Variants in KCNQ1 observed in about 807,000 individuals in gnomAD.
KCNQ1 encodes potassium voltage-gated channel subfamily KQT member 1.
In KCNQ1, 49 loss-of-function variants were observed where a neutral mutation model predicts 72.4. The observed-to-expected ratio is 0.68, with a 90% confidence interval of 0.54 to 0.86. The LOEUF (loss-of-function observed/expected upper bound fraction) is 0.86, where lower values mean the gene tolerates loss of function less well. Among genes scored for constraint, KCNQ1 ranks in the 40% least tolerant of loss-of-function variants. The pLI, the probability that KCNQ1 is intolerant of heterozygous loss-of-function variation, is 0.00. For synonymous variants in KCNQ1, 450 were observed against 412.6 expected (o/e 1.09, Z -1.10); for missense variants, 790 against 945.1 (o/e 0.84, Z 2.15).
intron 15 of KCNQ1, among the ~76,000 whole-genome samples, chr11:2,791,928 ACTTTG>A (rs1463087951): frequency 6.6e-6 from 1 of 152,138 alleles, no homozygotes; most frequent in Admixed American, 6.5e-5. Flanking sequence ...GCCGGTGTTT[ACTTTG>A]CCGCGCGAAC....
Position 2,768,948 on chromosome 11 carries a change from T to A in KCNQ1, c.1590+29T>A, listed in dbSNP as rs755275996. The A allele has an allele frequency of 6.4e-7, 1 of 1,572,418 alleles. No individual in the cohort carries two copies. The highest frequency in any genetic ancestry group is 8.8e-7 in the Non-Finnish European group (1 of 1,142,600). ...AGCCCTGTGCTGAGCCTTCCTGCCCTCAGCCTGCCCCTCGCAGCCTGATGC... is the reference window on the plus strand; with the variant it reads ...AGCCCTGTGCTGAGCCTTCCTGCCCACAGCCTGCCCCTCGCAGCCTGATGC... On this transcript the variant is annotated intron_variant, in intron 12 of 15. Coordinates refer to ENST00000155840, the MANE Select transcript of KCNQ1 (RefSeq NM_000218.3). This position sits in a 1 kb window ranked among gnomAD's most constrained non-coding sequence, Gnocchi z 6.7.
At chr11:2,556,685 G>C (rs1285279064) in intron 2 of KCNQ1, among the ~76,000 whole-genome samples, 1 of 152,186 alleles carries the variant, frequency 6.6e-6, no homozygotes, top group Non-Finnish European at 1.5e-5. Context: ...AGCCGTTGAT[G>C]GGGTGAAGGG....
chr11:2,672,751 G>A (rs1394148548), intron 11 of KCNQ1: 2 of 398,646 alleles, frequency 5.0e-6, no homozygotes, highest in Non-Finnish European at 8.8e-6. Flanking sequence ...TTTTTTGCTG[G>A]TCCAGCATGG....
intron 11 of KCNQ1, chr11:2,675,628 A>AT (rs1396779399): frequency 5.0e-6 from 2 of 398,476 alleles, no homozygotes; most frequent in African/African-American, 4.1e-5. Context: ...AGCACCCCTT[A>AT]TTAGAGGGTG....
chr11:2,445,009 G>C lies in KCNQ1; in HGVS notation c.-90G>C. 2.2e-6 allele frequency: 2 copies of C among 894,440 alleles called. No homozygotes were observed. The highest frequency in any genetic ancestry group is 2.7e-6 in the Non-Finnish European group (2 of 742,478). 55.4% of individuals were successfully genotyped at this position (894,440 alleles called of 1,614,324 possible). On this transcript the variant is annotated 5_prime_UTR_variant, in exon 1 of 16. Coordinates refer to ENST00000155840, the MANE Select transcript of KCNQ1 (RefSeq NM_000218.3). ...GCCCCCCGCGGCGGGGCTGGCAGCA[G>C]TGGCTGCCCGCACTGCGCCCGGGCG...
At chr11:2,521,275 G>A (rs1001540785) in intron 1 of KCNQ1, among the ~76,000 whole-genome samples, 2 of 151,998 alleles carry the variant, frequency 1.3e-5, no homozygotes, top group South Asian at 4.1e-4. Context: ...TCCTCCCCAT[G>A]TCCACAGATC....
rs192813857 is a variant in KCNQ1, at chr11:2,538,312, G to C, written c.477+10294G>C. Among the ~76,000 whole-genome samples, 1 of 152,168 alleles carries C rather than the reference G, an allele frequency of 6.6e-6. No individual in the cohort carries two copies. Among genetic ancestry groups the C allele is most frequent in the African/African-American group, 2.4e-5 (1 of 41,440 alleles). ...GTCTCTCTCTTGGGCAGGGAAGGGCGGTGGACATGGAGGCTTGGGGACAGT... is the reference window on the plus strand; with the variant it reads ...GTCTCTCTCTTGGGCAGGGAAGGGCCGTGGACATGGAGGCTTGGGGACAGT... On this transcript the variant is annotated intron_variant, in intron 2 of 15. Coordinates refer to ENST00000155840, the MANE Select transcript of KCNQ1 (RefSeq NM_000218.3). This position sits in a 1 kb window ranked among gnomAD's most constrained non-coding sequence, Gnocchi z 6.7.
intron 1 of KCNQ1, among the ~76,000 whole-genome samples, chr11:2,506,707 T>G (rs1847110814): frequency 6.6e-6 from 1 of 152,204 alleles, no homozygotes; most frequent in Non-Finnish European, 1.5e-5. Context: ...ACATTTGCAC[T>G]CCCCCAGCAA....
intron 10 of KCNQ1, chr11:2,609,573 CCTTATTGATCTTCT>C (rs1848943095): frequency 3.7e-6 from 1 of 266,938 alleles, no homozygotes; most frequent in East Asian, 5.6e-5. Context: ...TCTTCTGTTT[CCTTATTGATCTTCT>C]TTCTTGTACT....
chr11:2,500,332 C>G (rs1846989222), intron 1 of KCNQ1, among the ~76,000 whole-genome samples: 1 of 152,226 alleles, frequency 6.6e-6, no homozygotes, highest in African/African-American at 2.4e-5. Context: ...GAGATACCAT[C>G]TCACACCAGT....
rs962738295 is a variant in KCNQ1 at position 2,848,703 on chromosome 11, C to T, written c.*700C>T. ...CCAGCTCTTCCTAGCTGGAGAGGAG[C>T]CCTGCCTCTCCGCCCCTGAGCCCAC... On this transcript the variant is annotated 3_prime_UTR_variant, in exon 16 of 16. Transcript: ENST00000155840. 3 of 451,498 alleles carry T rather than the reference C, an allele frequency of 6.6e-6. No homozygotes were observed. Among genetic ancestry groups the T allele is most frequent in the African/African-American group, 6.0e-5 (3 of 50,072 alleles). The allele number at this position is 451,498 out of a possible 1,614,324, so 28.0% of individuals were successfully genotyped here.
In KCNQ1 at chr11:2,720,218, C is replaced by T. The variant is rs1449621672; in HGVS notation, c.1515-48626C>T. On this transcript the variant is annotated intron_variant, in intron 11 of 15. Coordinates refer to ENST00000155840, the MANE Select transcript of KCNQ1 (RefSeq NM_000218.3). This position sits in a 1 kb window ranked among gnomAD's most constrained non-coding sequence, Gnocchi z 5.1. ...TGGGCATGATGGATGTGTAAAGAATCGAGAAGCCAAGTGCCCTTGCCATTT... is the reference window on the plus strand; with the variant it reads ...TGGGCATGATGGATGTGTAAAGAATTGAGAAGCCAAGTGCCCTTGCCATTT... Among the ~76,000 whole-genome samples the T allele has an allele frequency of 1.3e-5, 2 of 152,132 alleles. No homozygotes were observed. The highest frequency in any genetic ancestry group is 2.9e-5 in the Non-Finnish European group (2 of 68,016).
chr11:2,473,328 G>T lies in KCNQ1; in HGVS notation c.386+27844G>T, dbSNP rs755445189. On this transcript the variant is annotated intron_variant, in intron 1 of 15. Coordinates refer to ENST00000155840, the MANE Select transcript of KCNQ1 (RefSeq NM_000218.3). This position sits in a 1 kb window ranked among gnomAD's most constrained non-coding sequence, Gnocchi z 6.0. ...GGGGCTTGCTGGGGACTCAGGGAGG[G>T]TTGGGGACCTCCAGGGCTTCCATTC... Among the ~76,000 whole-genome samples the T allele has an allele frequency of 1.3e-5, 2 of 152,154 alleles. No homozygotes were observed. Among genetic ancestry groups the T allele is most frequent in the African/African-American group, 2.4e-5 (1 of 41,436 alleles).
chr11:2,594,285 A>T (rs1313451612), intron 10 of KCNQ1, among the ~76,000 whole-genome samples: 1 of 152,214 alleles, frequency 6.6e-6, no homozygotes, highest in African/African-American at 2.4e-5. Context: ...TCTGTGGGTC[A>T]TCAGGCTAAT....
chr11:2,817,854 C>T lies in KCNQ1; in HGVS notation c.1795-29913C>T, dbSNP rs1847649973. ...CCAGAGTCACATGTATGTTAGAAAC[C>T]TCTGGCACTCTCCCCTCCCCAGCCA... On this transcript the variant is annotated intron_variant, in intron 15 of 15. Transcript: ENST00000155840. The surrounding 1 kb of genome is among the most constrained non-coding windows in gnomAD (Gnocchi z 6.1). Among the ~76,000 whole-genome samples, 1 of 152,076 alleles carries T rather than the reference C, an allele frequency of 6.6e-6. No individual in the cohort carries two copies. The highest frequency in any genetic ancestry group is 1.5e-5 in the Non-Finnish European group (1 of 68,006).
At chr11:2,589,852 C>T (rs550214893) in intron 10 of KCNQ1, among the ~76,000 whole-genome samples, 4 of 152,306 alleles carry the variant, frequency 2.6e-5, no homozygotes, top group East Asian at 1.9e-4. Flanking sequence ...GTGATGCATC[C>T]GTCATCTCGG....
At position 2,647,359 on chromosome 11, in the gene KCNQ1, C is replaced by T. The variant is rs572382764; in HGVS notation, c.1394-14602C>T. On this transcript the variant is annotated intron_variant, in intron 10 of 15. Coordinates refer to ENST00000155840, the MANE Select transcript of KCNQ1 (RefSeq NM_000218.3). The surrounding 1 kb of genome is among the most constrained non-coding windows in gnomAD (Gnocchi z 4.0). ...TATGGTGTATTATCTTTTTGATGTG[C>T]GATTGGATTCAGATTGCTAGTTTGT... 27 of 398,338 alleles carry T rather than the reference C, an allele frequency of 6.8e-5. No homozygotes were observed. Among genetic ancestry groups the T allele is most frequent in the African/African-American group, 4.1e-4 (20 of 48,650 alleles). The allele number at this position is 398,338 out of a possible 1,614,324, so 24.7% of individuals were successfully genotyped here.
chr11:2,667,211 CT>C (rs1850092281), intron 11 of KCNQ1: 2 of 398,650 alleles, frequency 5.0e-6, no homozygotes, highest in Admixed American at 8.8e-5. Flanking sequence ...CCGTGGCCCC[CT>C]AACCTTTCCA....
intron 15 of KCNQ1, among the ~76,000 whole-genome samples, chr11:2,786,869 T>A (rs1419819137): frequency 1.3e-5 from 2 of 152,062 alleles, no homozygotes; most frequent in Non-Finnish European, 2.9e-5. Context: ...AATTCCAGTA[T>A]CTAAAGTATT....
Sources: gnomAD v4.1 joint callset for allele counts (sites outside exome capture counted in the v4.1 genomes callset) on GRCh38, gnomAD v4.1.1 for gene constraint, Gnocchi (gnomAD v3.1) non-coding constraint, MANE v1.5 for transcripts, NCBI Gene and HGNC (gene_info 2026-07-23, HGNC 2026-07-21) for gene names.